Variants in MID1 observed in about 807,000 individuals in gnomAD.
MID1 encodes E3 ubiquitin-protein ligase Midline-1.
MID1 carries 7 observed loss-of-function variants against 40.4 expected under a neutral mutation model. That is an observed-to-expected ratio of 0.17 (90% CI 0.10 to 0.33). The LOEUF (loss-of-function observed/expected upper bound fraction) is 0.33, where lower values mean the gene tolerates loss of function less well. Among genes scored for constraint, MID1 ranks in the 10% least tolerant of loss-of-function variants. The probability of loss-of-function intolerance (pLI) is 1.00; values close to 1 mark genes in which losing one functional copy is unlikely to be tolerated. For missense variants in MID1, 367 were observed against 558.5 expected, an observed-to-expected ratio of 0.66 and a Z score of 3.46; for synonymous variants, 229 against 221.2, an observed-to-expected ratio of 1.04 and a Z score of -0.31.
chrX:10,619,850 C>G (rs1602476595), intron 1 of MID1, among the ~76,000 whole-genome samples: 1 of 112,002 alleles, frequency 8.9e-6, no homozygotes, highest in East Asian at 2.8e-4. Context: ...AGTAAGTGCT[C>G]AGAATGCGAA....
intron 1 of MID1, among the ~76,000 whole-genome samples, chrX:10,813,441 AAACAAAGTCCAGAAAGATGGGT>A (rs1267587713): frequency 1.8e-5 from 2 of 111,762 alleles, no homozygotes; most frequent in African/African-American, 6.5e-5. Context: ...AAAGAAGAGT[AAACAAAGTCCAGAAAGATGGGT>A]AACAAAGTCC....
chrX:10,559,537 C>T (rs760476803), intron 2 of MID1, among the ~76,000 whole-genome samples: 19 of 112,336 alleles, frequency 1.7e-4, no homozygotes, highest in Admixed American at 3.8e-4. Context: ...GAACATCATA[C>T]GTGGTAAAAA....
intron 1 of MID1, among the ~76,000 whole-genome samples, chrX:10,685,877 TACACACAC>T (rs56245034): frequency 1.5e-3 from 120 of 80,483 alleles, no homozygotes; most frequent in African/African-American, 5.2e-3. Flanking sequence ...CACATACTCA[TACACACAC>T]ACACACACAC....
At chrX:10,719,135 A>G (rs1232218289) in intron 1 of MID1, among the ~76,000 whole-genome samples, 1 of 111,552 alleles carries the variant, frequency 9.0e-6, no homozygotes, top group Non-Finnish European at 1.9e-5. Context: ...GAAAACTGGC[A>G]CAAGACAGGG....
chrX:10,659,579 A>C (rs1475230084), intron 1 of MID1, among the ~76,000 whole-genome samples: 1 of 112,033 alleles, frequency 8.9e-6, no homozygotes, highest in Non-Finnish European at 1.9e-5. Context: ...CTTATCATTA[A>C]AATTATTTAT....
intron 1 of MID1, among the ~76,000 whole-genome samples, chrX:10,676,118 C>T: frequency 9.0e-6 from 1 of 111,636 alleles, no homozygotes; most frequent in African/African-American, 3.3e-5. Context: ...CCAGAAGGAC[C>T]GGGTTTTTCT....
At chrX:10,543,679 C>A (rs1933565154) in intron 2 of MID1, among the ~76,000 whole-genome samples, 1 of 109,931 alleles carries the variant, frequency 9.1e-6, no homozygotes, top group Non-Finnish European at 1.9e-5. Flanking sequence ...GCGGTCTCTA[C>A]TAAAAATATA....
chrX:10,491,064 T>G (rs988278946), intron 4 of MID1, among the ~76,000 whole-genome samples: 17 of 112,147 alleles, frequency 1.5e-4, no homozygotes, highest in African/African-American at 5.2e-4. Context: ...TTAAATTATT[T>G]TTTACAAGTA....
intron 1 of MID1, among the ~76,000 whole-genome samples, chrX:10,832,737 ATT>A (rs1211523299): frequency 8.9e-6 from 1 of 111,742 alleles, no homozygotes; most frequent in African/African-American, 3.3e-5. Context: ...CAGCTGAAAC[ATT>A]TTTTTTCCTT....
chrX:10,654,388 C>T (rs1229833237), intron 1 of MID1, among the ~76,000 whole-genome samples: 2 of 111,807 alleles, frequency 1.8e-5, no homozygotes, highest in Non-Finnish European at 3.8e-5. Context: ...ACCCTTTTGG[C>T]GCCAGGGACC....
chrX:10,647,710 A>G (rs1414456480), intron 1 of MID1, among the ~76,000 whole-genome samples: 1 of 111,432 alleles, frequency 9.0e-6, no homozygotes, highest in Non-Finnish European at 1.9e-5. Flanking sequence ...TCAGAACAAT[A>G]CCAGCCCTTT....
chrX:10,693,920 G>A (rs1012048429), intron 1 of MID1, among the ~76,000 whole-genome samples: 12 of 112,276 alleles, frequency 1.1e-4, no homozygotes, highest in African/African-American at 3.9e-4. Context: ...GTAGCATTAG[G>A]GAATGAAGTA....
intron 1 of MID1, among the ~76,000 whole-genome samples, chrX:10,721,601 A>C (rs1031525392): frequency 3.6e-5 from 4 of 110,754 alleles, no homozygotes; most frequent in African/African-American, 1.3e-4. Flanking sequence ...ACAGAATCAA[A>C]TTTCTCCCAC....
chrX:10,476,244 T>G (rs1240071233), intron 5 of MID1, among the ~76,000 whole-genome samples: 2 of 111,461 alleles, frequency 1.8e-5, no homozygotes, highest in Non-Finnish European at 3.8e-5. Context: ...AACTGCTTAA[T>G]GAGTATAAGG....
chrX:10,472,810 C>T (rs1357858129), intron 6 of MID1, among the ~76,000 whole-genome samples: 1 of 111,812 alleles, frequency 8.9e-6, no homozygotes, highest in Non-Finnish European at 1.9e-5. Context: ...ACAATGAAGG[C>T]GGCAGAGGAG....
rs1295612044 is a variant in MID1 at position 10,471,784 on chromosome X, T to C, written c.1142-1944A>G. On this transcript the variant is annotated intron_variant, in intron 6 of 9. Coordinates refer to ENST00000317552, the MANE Select transcript of MID1 (RefSeq NM_000381.4). ...ATTGAATTATTTCTCCATCAACCAT[T>C]GTAGAAAAATTTTGTTCTGTATTGC... 3.6e-5 allele frequency among the ~76,000 whole-genome samples: 4 copies of C among 112,304 alleles called. No individual in the cohort carries two copies. In the South Asian group the frequency reaches 1.5e-3, roughly 42 times the overall value.
chrX:10,637,619 C>T (rs1471811371), intron 1 of MID1, among the ~76,000 whole-genome samples: 1 of 105,390 alleles, frequency 9.5e-6, no homozygotes, highest in Non-Finnish European at 1.9e-5. Context: ...AGCAAGACTC[C>T]ATCTAAAAAA....
chrX:10,807,945 C>T (rs2044059524), intron 1 of MID1, among the ~76,000 whole-genome samples: 1 of 112,253 alleles, frequency 8.9e-6, no homozygotes, highest in South Asian at 3.7e-4. Context: ...AAACATTCAG[C>T]ACATTGGACA....
At chrX:10,827,524 G>A (rs1438362748) in intron 1 of MID1, among the ~76,000 whole-genome samples, 13 of 98,394 alleles carry the variant, frequency 1.3e-4, no homozygotes, top group Middle Eastern at 5.1e-3. Flanking sequence ...TCAAGGCTCA[G>A]GTGGTACTGG....
Sources: allele counts gnomAD v4.1 joint callset (sites outside exome capture counted in the v4.1 genomes callset), GRCh38; gene constraint gnomAD v4.1.1; transcripts MANE v1.5; gene names NCBI Gene and HGNC (gene_info 2026-07-23, HGNC 2026-07-21).